DCC: variants seen among roughly 807,000 people sequenced by gnomAD.
DCC encodes the protein netrin receptor DCC.
A neutral mutation model predicts 172.5 loss-of-function variants in DCC; 58 were observed. The ratio of observed to expected loss-of-function variants is 0.34; its 90% CI spans 0.27 to 0.42. DCC has a LOEUF of 0.42. Among genes scored for constraint, DCC ranks in the 10% least tolerant of loss-of-function variants. The probability of loss-of-function intolerance (pLI) is 1.00; values close to 1 mark genes in which losing one functional copy is unlikely to be tolerated. For synonymous variants in DCC, 709 were observed against 644.5 expected (o/e 1.10, Z -1.52); for missense variants, 1,740 against 1,791.0 (o/e 0.97, Z 0.51).
intron 12 of DCC, among the ~76,000 whole-genome samples, chr18:53,303,370 T>A (rs1451506082): frequency 6.6e-6 from 1 of 152,242 alleles, no homozygotes; most frequent in African/African-American, 2.4e-5. Context: ...GATTTCATTC[T>A]TTGCATTACT....
intron 22 of DCC, among the ~76,000 whole-genome samples, chr18:53,435,763 G>C (rs1328206351): frequency 3.9e-5 from 6 of 152,102 alleles, no homozygotes; most frequent in Non-Finnish European, 5.9e-5. Flanking sequence ...ATATCTGCTG[G>C]CTTTAAGGAT....
chr18:53,121,235 T>C (rs2043479474), intron 7 of DCC, among the ~76,000 whole-genome samples: 1 of 151,714 alleles, frequency 6.6e-6, no homozygotes, highest in African/African-American at 2.4e-5. Context: ...CAAAAGCAAA[T>C]CGCTGGGGAT....
At chr18:52,370,839 TG>T (rs1985090584) in intron 1 of DCC, among the ~76,000 whole-genome samples, 1 of 152,214 alleles carries the variant, frequency 6.6e-6, no homozygotes, top group South Asian at 2.1e-4. Flanking sequence ...AAATATTTTT[TG>T]ATGGAGAAGA....
intron 7 of DCC, among the ~76,000 whole-genome samples, chr18:53,078,394 G>T (rs2042750908): frequency 1.3e-5 from 2 of 152,116 alleles, no homozygotes; most frequent in South Asian, 4.1e-4. Context: ...GAAACATTAA[G>T]TCTTTAAAGT....
At chr18:52,966,467 G>T (rs1231243978) in intron 5 of DCC, among the ~76,000 whole-genome samples, 1 of 152,028 alleles carries the variant, frequency 6.6e-6, no homozygotes, top group Non-Finnish European at 1.5e-5. Context: ...TCTCTGCTGT[G>T]CAGTATCCCC....
chr18:53,119,599 G>T (rs1383009036), intron 7 of DCC, among the ~76,000 whole-genome samples: 1 of 151,888 alleles, frequency 6.6e-6, no homozygotes, highest in Non-Finnish European at 1.5e-5. Context: ...GTTGTAAGTT[G>T]ACTCAGATCT....
intron 1 of DCC, among the ~76,000 whole-genome samples, chr18:52,492,666 GC>G (rs2030563616): frequency 6.6e-6 from 1 of 152,014 alleles, no homozygotes; most frequent in African/African-American, 2.4e-5. Context: ...ATAATACTTT[GC>G]CATAAGAACT....
At chr18:52,529,772 G>A (rs1261864173) in intron 1 of DCC, among the ~76,000 whole-genome samples, 1 of 152,132 alleles carries the variant, frequency 6.6e-6, no homozygotes, top group Non-Finnish European at 1.5e-5. Flanking sequence ...AGATGCATCC[G>A]CCTCGAGCTG....
intron 5 of DCC, among the ~76,000 whole-genome samples, chr18:52,927,620 A>G (rs1428398921): frequency 6.6e-6 from 1 of 152,002 alleles, no homozygotes; most frequent in African/African-American, 2.4e-5. Flanking sequence ...GACTAGTGTT[A>G]TTATGTAAAA....
At chr18:52,587,945 G>A (rs1257407371) in intron 1 of DCC, among the ~76,000 whole-genome samples, 1 of 152,184 alleles carries the variant, frequency 6.6e-6, no homozygotes, top group Non-Finnish European at 1.5e-5. Context: ...TGTGTCTTCA[G>A]GAACTGCTCG....
intron 5 of DCC, among the ~76,000 whole-genome samples, chr18:52,932,124 T>G (rs2040315565): frequency 6.6e-6 from 1 of 152,100 alleles, no homozygotes; most frequent in Non-Finnish European, 1.5e-5. Context: ...TTTAATTTAA[T>G]TTTAGCCATG....
intron 2 of DCC, among the ~76,000 whole-genome samples, chr18:52,857,699 T>G (rs1280942097): frequency 6.6e-6 from 1 of 152,144 alleles, no homozygotes; most frequent in African/African-American, 2.4e-5. Flanking sequence ...GGTGGTTGTT[T>G]TTATTAAACA....
intron 1 of DCC, among the ~76,000 whole-genome samples, chr18:52,526,583 C>T (rs904632948): frequency 3.6e-4 from 55 of 152,098 alleles, no homozygotes; most frequent in African/African-American, 1.3e-3. Flanking sequence ...GTCTCAGTTT[C>T]TTCATTTGTA....
At chr18:52,606,091 G>T (rs2034125067) in intron 1 of DCC, among the ~76,000 whole-genome samples, 1 of 152,056 alleles carries the variant, frequency 6.6e-6, no homozygotes, top group African/African-American at 2.4e-5. Context: ...GATGAGCCAG[G>T]CCTGGAAGTG....
At chr18:52,974,789 G>A (rs763423895) in intron 5 of DCC, among the ~76,000 whole-genome samples, 11 of 152,092 alleles carry the variant, frequency 7.2e-5, no homozygotes, top group Non-Finnish European at 1.3e-4. Context: ...TTTCCTGTTG[G>A]GAGGAAATTG....
chr18:52,658,966 C>A (rs2035307828), intron 1 of DCC, among the ~76,000 whole-genome samples: 1 of 152,096 alleles, frequency 6.6e-6, no homozygotes, highest in Non-Finnish European at 1.5e-5. Context: ...TCAATAGTAG[C>A]TGAGTAGCTG....
At chr18:53,030,195 C>G (rs536689161) in intron 5 of DCC, among the ~76,000 whole-genome samples, 21 of 152,296 alleles carry the variant, frequency 1.4e-4, no homozygotes, top group African/African-American at 5.1e-4. Flanking sequence ...CAATTATTAT[C>G]CCCCCATTCC....
intron 2 of DCC, among the ~76,000 whole-genome samples, chr18:52,830,725 C>T (rs1329357266): frequency 6.6e-6 from 1 of 152,038 alleles, no homozygotes; most frequent in East Asian, 1.9e-4. Context: ...ATGTGAATGC[C>T]CCCGTTGGGA....
At chr18:52,902,627 T>C (rs2039826171) in intron 2 of DCC, among the ~76,000 whole-genome samples, 2 of 152,218 alleles carry the variant, frequency 1.3e-5, no homozygotes, top group South Asian at 4.1e-4. Context: ...CATTACTAGA[T>C]ATTCATGCAC....
Sources: allele counts gnomAD v4.1 joint callset (sites outside exome capture counted in the v4.1 genomes callset), GRCh38; gene constraint gnomAD v4.1.1; transcripts MANE v1.5; gene names NCBI Gene and HGNC (gene_info 2026-07-23, HGNC 2026-07-21).